MAPKAP1: variants seen among roughly 807,000 people sequenced by gnomAD.
MAPKAP1 encodes the protein MAPK associated protein 1.
MAPKAP1 carries 20 observed loss-of-function variants against 65.7 expected under a neutral mutation model. The ratio of observed to expected loss-of-function variants is 0.30; its 90% CI spans 0.21 to 0.44. MAPKAP1 has a LOEUF of 0.44. Among genes scored for constraint, MAPKAP1 ranks in the 20% least tolerant of loss-of-function variants. MAPKAP1 has a pLI of 1.00. For synonymous variants in MAPKAP1, 222 were observed against 244.3 expected, an observed-to-expected ratio of 0.91 and a Z score of 0.85; for missense variants, 423 against 648.0, an observed-to-expected ratio of 0.65 and a Z score of 3.77.
intron 10 of MAPKAP1, among the ~76,000 whole-genome samples, chr9:125,449,249 C>G (rs1057304317): frequency 6.6e-6 from 1 of 152,096 alleles, no homozygotes; most frequent in Non-Finnish European, 1.5e-5. Flanking sequence ...AGGCACTGTC[C>G]CTTCCAAGGT....
At chr9:125,560,104 A>G (rs887431423) in intron 5 of MAPKAP1, among the ~76,000 whole-genome samples, 24 of 152,236 alleles carry the variant, frequency 1.6e-4, no homozygotes, top group African/African-American at 5.5e-4. Flanking sequence ...CAAAGGTGAG[A>G]TTTAGTATCA....
chr9:125,688,129 C>A (rs568651689), intron 1 of MAPKAP1, among the ~76,000 whole-genome samples: 1 of 152,178 alleles, frequency 6.6e-6, no homozygotes, highest in African/African-American at 2.4e-5. Context: ...ACCTTCTAGA[C>A]TATCTCATTT....
rs1173340588 is a variant in MAPKAP1, at chr9:125,438,272, A to C, written c.*615T>G. ...CACTAGGTCTCTGTTCCTAACTTTT[A>C]GTAAGACACTACCCTCGAAGCAAAT... On this transcript the variant is annotated 3_prime_UTR_variant, in exon 12 of 12. Transcript: ENST00000265960. 1 of 397,696 alleles carries C rather than the reference A, an allele frequency of 2.5e-6. No individual in the cohort carries two copies. Among genetic ancestry groups the C allele is most frequent in the African/African-American group, 2.1e-5 (1 of 48,596 alleles). 24.6% of individuals were successfully genotyped at this position (397,696 alleles called of 1,614,324 possible).
chr9:125,649,465 C>A (rs1220010778), intron 4 of MAPKAP1, among the ~76,000 whole-genome samples: 1 of 152,106 alleles, frequency 6.6e-6, no homozygotes, highest in Non-Finnish European at 1.5e-5. Context: ...CTCTGAATGG[C>A]CTGGTGAGTC....
intron 4 of MAPKAP1, among the ~76,000 whole-genome samples, chr9:125,633,645 A>C (rs997591409): frequency 2.0e-5 from 3 of 152,198 alleles, no homozygotes; most frequent in African/African-American, 7.2e-5. Context: ...TTATGTACTC[A>C]TAGTCAGTGT....
In MAPKAP1 at chr9:125,444,877, G is replaced by A. The variant is rs368475305; in HGVS notation, c.1346-279C>T. 1.8e-4 allele frequency among the ~76,000 whole-genome samples: 28 copies of A among 152,316 alleles called. No individual in the cohort carries two copies. The East Asian group carries it at 3.9e-3, about 21-fold the overall frequency. ...AGGCTTTACGGAACTGCTGCTATAT[G>A]ATAATTACATGCAAAAGGTGGCGTT... On this transcript the variant is annotated intron_variant, in intron 10 of 11. Transcript: ENST00000265960.
intron 5 of MAPKAP1, among the ~76,000 whole-genome samples, chr9:125,580,777 C>T (rs1282668105): frequency 2.6e-5 from 4 of 151,946 alleles, no homozygotes; most frequent in Non-Finnish European, 5.9e-5. Context: ...CATTGGATTA[C>T]ATGTATATAT....
In MAPKAP1 at chr9:125,439,830, G is replaced by A. The variant is rs1852416738; in HGVS notation, c.1444-818C>T. Among the ~76,000 whole-genome samples the A allele has an allele frequency of 6.6e-6, 1 of 152,408 alleles. No homozygotes were observed. The highest frequency in any genetic ancestry group is 2.4e-5 in the African/African-American group (1 of 41,604). ...CTGGGGAGCTTGCTGCCTGGTGAGT[G>A]GGTGTCCAGCAGCAGAACCAGCACT... is the stretch of plus-strand genomic sequence containing the variant. On this transcript the variant is annotated intron_variant, in intron 11 of 11. Transcript: ENST00000265960. The surrounding 1 kb of genome is among the most constrained non-coding windows in gnomAD (Gnocchi z 4.0).
intron 8 of MAPKAP1, among the ~76,000 whole-genome samples, chr9:125,498,529 A>T (rs1170904182): frequency 6.6e-6 from 1 of 152,246 alleles, no homozygotes; most frequent in Non-Finnish European, 1.5e-5. Flanking sequence ...CGTAATTTTT[A>T]AAAACACCCT....
rs748033297 is a variant in MAPKAP1 at position 125,657,262 on chromosome 9, T to C, written c.498+389A>G. Reference sequence around the variant, plus strand: ...AAAACGGATTAAAAATATACACATATATATTTCTCTCTCCCTTCCTCCCCC... The same window carrying C: ...AAAACGGATTAAAAATATACACATACATATTTCTCTCTCCCTTCCTCCCCC... On this transcript the variant is annotated intron_variant, in intron 4 of 11. Transcript: ENST00000265960. 1.1e-4 allele frequency among the ~76,000 whole-genome samples: 17 copies of C among 152,090 alleles called. No homozygotes were observed. The Middle Eastern group carries it at 0.01, about 91-fold the overall frequency.
At chr9:125,556,639 T>G (rs1258456580) in intron 6 of MAPKAP1, among the ~76,000 whole-genome samples, 1 of 152,148 alleles carries the variant, frequency 6.6e-6, no homozygotes, top group Non-Finnish European at 1.5e-5. Flanking sequence ...TTCTTGTCCC[T>G]CCTCTACTGG....
chr9:125,683,661 C>A (rs1419967867), intron 1 of MAPKAP1, among the ~76,000 whole-genome samples: 1 of 152,162 alleles, frequency 6.6e-6, no homozygotes, highest in African/African-American at 2.4e-5. Context: ...CCAGCTGACA[C>A]CTTAATTTCA....
rs1031208231 is a variant in MAPKAP1, at chr9:125,437,638, C to T, written c.*1249G>A. On this transcript the variant is annotated 3_prime_UTR_variant, in exon 12 of 12. Coordinates refer to ENST00000265960, the MANE Select transcript of MAPKAP1 (RefSeq NM_001006617.3). ...TCAGAATGAAAGAAGAATTCATCAG[C>T]ATGACCCCTTGTGCAAAGAAATACA... The T allele has an allele frequency of 3.3e-5, 5 of 152,590 alleles. No individual in the cohort carries two copies. Among genetic ancestry groups the T allele is most frequent in the African/African-American group, 1.2e-4 (5 of 41,450 alleles). 9.5% of individuals were successfully genotyped at this position (152,590 alleles called of 1,614,324 possible).
chr9:125,634,949 C>T (rs1398342728), intron 4 of MAPKAP1, among the ~76,000 whole-genome samples: 2 of 152,156 alleles, frequency 1.3e-5, no homozygotes, highest in Admixed American at 6.5e-5. Context: ...CAGTAATCCA[C>T]ACTTTTGATG....
intron 10 of MAPKAP1, among the ~76,000 whole-genome samples, chr9:125,449,762 C>T (rs1329784686): frequency 6.6e-6 from 1 of 152,156 alleles, no homozygotes; most frequent in East Asian, 1.9e-4. Flanking sequence ...CAGGTTCTTC[C>T]TGCCAGTTCA....
At chr9:125,440,104 C>A (rs933729263) in intron 11 of MAPKAP1, among the ~76,000 whole-genome samples, 25 of 152,168 alleles carry the variant, frequency 1.6e-4, no homozygotes, top group African/African-American at 6.0e-4. Flanking sequence ...GGGAGGGGTG[C>A]TACAGTGGGA....
chr9:125,494,193 A>G (rs904353788), intron 8 of MAPKAP1, among the ~76,000 whole-genome samples: 2 of 152,114 alleles, frequency 1.3e-5, no homozygotes, highest in Non-Finnish European at 2.9e-5. Flanking sequence ...CCAAAGCCCC[A>G]TAAGCCCAAA....
At chr9:125,509,580 G>A (rs1211714664) in intron 7 of MAPKAP1, among the ~76,000 whole-genome samples, 1 of 152,166 alleles carries the variant, frequency 6.6e-6, no homozygotes, top group East Asian at 1.9e-4. Context: ...ATCAAAAGCA[G>A]ACACGATCTG....
Position 125,694,520 on chromosome 9 carries a change from C to T in MAPKAP1, c.-70+12451G>A, listed in dbSNP as rs796464255. 1.1e-4 allele frequency among the ~76,000 whole-genome samples: 17 copies of T among 152,124 alleles called. No individual in the cohort carries two copies. In the South Asian group the frequency reaches 3.1e-3, roughly 28 times the overall value. On this transcript the variant is annotated intron_variant, in intron 1 of 11. Coordinates refer to ENST00000265960, the MANE Select transcript of MAPKAP1 (RefSeq NM_001006617.3). ...ACATTGTTCTGAAACTCCTAATTTC[C>T]TTAACTAAAAAAAGGCAGAAAAGTA... is the stretch of plus-strand genomic sequence containing the variant.
Sources: gnomAD v4.1 joint callset for allele counts (sites outside exome capture counted in the v4.1 genomes callset) on GRCh38, gnomAD v4.1.1 for gene constraint, Gnocchi (gnomAD v3.1) non-coding constraint, MANE v1.5 for transcripts, NCBI Gene and HGNC (gene_info 2026-07-23, HGNC 2026-07-21) for gene names.